Variants in CD163L1 observed in about 807,000 individuals in gnomAD.
CD163L1 encodes scavenger receptor cysteine-rich type 1 protein M160.
CD163L1 carries 124 observed loss-of-function variants against 165.4 expected under a neutral mutation model. The observed-to-expected ratio is 0.75, with a 90% confidence interval of 0.65 to 0.87. The LOEUF (loss-of-function observed/expected upper bound fraction) is 0.87, where lower values mean the gene tolerates loss of function less well. CD163L1 is among the 40% of genes least tolerant of loss of function. CD163L1 has a pLI of 0.00. For synonymous variants in CD163L1, 585 were observed against 662.2 expected (o/e 0.88, Z 1.79); for missense variants, 1,525 against 1,799.9 (o/e 0.85, Z 2.76).
chr12:7,412,876 C>T (rs1184431435), intron 4 of CD163L1, among the ~76,000 whole-genome samples: 2 of 152,028 alleles, frequency 1.3e-5, no homozygotes, highest in East Asian at 3.9e-4. Context: ...GCGGGTAGAT[C>T]ACGAGGTCAG....
At chr12:7,354,331 T>G (rs1181418334), downstream of CD163L1, among the ~76,000 whole-genome samples, 3 of 152,058 alleles carry the variant, frequency 2.0e-5, no homozygotes, top group Non-Finnish European at 2.9e-5. Context: ...AACAACAATA[T>G]GTTCAAAATC....
chr12:7,444,084 A>C lies in CD163L1; in HGVS notation c.31+13T>G, dbSNP rs1195337789. 1.2e-6 allele frequency: 2 copies of C among 1,613,746 alleles called. No homozygotes were observed. Among genetic ancestry groups the C allele is most frequent in the Admixed American group, 1.7e-5 (1 of 60,016 alleles). On this transcript the variant is annotated intron_variant, in intron 1 of 19. Coordinates refer to ENST00000313599, the MANE Select transcript of CD163L1 (RefSeq NM_174941.6). ...CTCCCAAATGGCAGAGCAAAATAAAAGCAAAACCTTACCAATATGCCACGA... is the reference window on the plus strand; with the variant it reads ...CTCCCAAATGGCAGAGCAAAATAAACGCAAAACCTTACCAATATGCCACGA...
intron 19 of CD163L1, among the ~76,000 whole-genome samples, chr12:7,356,265 T>C (rs1004325553): frequency 5.9e-5 from 9 of 152,236 alleles, no homozygotes; most frequent in Admixed American, 3.9e-4. Context: ...GGAAAAAGGC[T>C]TCAATCATAA....
At chr12:7,320,116 G>A in the CD163L1 span, among the ~76,000 whole-genome samples, 1 of 152,168 alleles carries the variant, frequency 6.6e-6, no homozygotes, top group Non-Finnish European at 1.5e-5. Context: ...AAGGGACATA[G>A]TGGAACTTCT....
At chr12:7,330,742 G>C in the CD163L1 span, among the ~76,000 whole-genome samples, 1 of 152,182 alleles carries the variant, frequency 6.6e-6, no homozygotes, top group Non-Finnish European at 1.5e-5. Flanking sequence ...TTTGAGAGTT[G>C]TACCCTTCAT....
At chr12:7,433,283 T>C in intron 3 of CD163L1, 91 bp downstream of exon 3, 2 of 1,152,450 alleles carry the variant, frequency 1.7e-6, no homozygotes, top group Non-Finnish European at 2.5e-6. Flanking sequence ...AGAGGGACAC[T>C]ATTAAAGTCA....
intron 4 of CD163L1, among the ~76,000 whole-genome samples, chr12:7,421,441 A>C (rs771264212): frequency 9.9e-6 from 1 of 100,788 alleles, no homozygotes; most frequent in Admixed American, 9.8e-5. Flanking sequence ...ACATATATAC[A>C]TATACATATA....
At chr12:7,410,669 A>C (rs1177236877) in intron 4 of CD163L1, among the ~76,000 whole-genome samples, 2 of 148,464 alleles carry the variant, frequency 1.3e-5, no homozygotes, top group African/African-American at 5.0e-5. Context: ...GTCTCCACTA[A>C]AAATACAAAA....
At chr12:7,395,832 G>A (rs191918889) in intron 8 of CD163L1, among the ~76,000 whole-genome samples, 2 of 152,164 alleles carry the variant, frequency 1.3e-5, no homozygotes, top group East Asian at 3.9e-4. Context: ...ATGTCTTTTT[G>A]TAGAATTGTA....
At chr12:7,438,198 C>T (rs1948765158) in intron 2 of CD163L1, among the ~76,000 whole-genome samples, 1 of 151,942 alleles carries the variant, frequency 6.6e-6, no homozygotes, top group African/African-American at 2.4e-5. Context: ...AAATGATTTC[C>T]TTAAAATAAA....
chr12:7,419,873 T>C (rs1017113860), intron 4 of CD163L1, among the ~76,000 whole-genome samples: 1 of 151,960 alleles, frequency 6.6e-6, no homozygotes, highest in Non-Finnish European at 1.5e-5. Context: ...CTAGAAATCA[T>C]ATGGAACCAA....
At chr12:7,403,512 C>T (rs1032980434) in intron 6 of CD163L1, 23 bp downstream of exon 6, 3 of 1,587,240 alleles carry the variant, frequency 1.9e-6, no homozygotes, top group Non-Finnish European at 2.6e-6. Flanking sequence ...AATGTGTACA[C>T]TCTCATGATC....
intron 18 of CD163L1, among the ~76,000 whole-genome samples, chr12:7,359,528 T>A (rs1183683387): frequency 6.6e-6 from 1 of 152,110 alleles, no homozygotes; most frequent in East Asian, 1.9e-4. Context: ...CAAAAGTGAA[T>A]GAGAAATAAA....
At chr12:7,421,963 A>T (rs1948448812) in intron 4 of CD163L1, among the ~76,000 whole-genome samples, 1 of 152,022 alleles carries the variant, frequency 6.6e-6, no homozygotes, top group Non-Finnish European at 1.5e-5. Context: ...TGCCTCCTCA[A>T]GTGGGTCCCT....
chr12:7,343,219 T>C (rs1172602229), downstream of CD163L1, among the ~76,000 whole-genome samples: 1 of 152,144 alleles, frequency 6.6e-6, no homozygotes, highest in Non-Finnish European at 1.5e-5. Context: ...TCAGTAGAAA[T>C]GTTAAAGTCT....
In CD163L1 at chr12:7,347,517, C is replaced by T. The variant is rs929139474; in HGVS notation, c.*25-370G>A. Among the ~76,000 whole-genome samples, 4 of 152,110 alleles carry T rather than the reference C, an allele frequency of 2.6e-5. No homozygotes were observed. The highest frequency in any genetic ancestry group is 5.9e-5 in the Non-Finnish European group (4 of 68,006). On this transcript the variant is annotated intron_variant, in intron 4 of 4. Coordinates refer to the CD163L1 transcript ENST00000539726. This position sits in a 1 kb window ranked among gnomAD's most constrained non-coding sequence, Gnocchi z 4.2. ...GGTCTCGGCCGGGCGCGGTGGCTCACGCTTGTAATCCCAGCACTTTGGGAG... is the reference window on the plus strand; with the variant it reads ...GGTCTCGGCCGGGCGCGGTGGCTCATGCTTGTAATCCCAGCACTTTGGGAG...
At chr12:7,386,626 A>G (rs1392797746) in intron 8 of CD163L1, among the ~76,000 whole-genome samples, 1 of 150,044 alleles carries the variant, frequency 6.7e-6, no homozygotes, top group Non-Finnish European at 1.5e-5. Context: ...AAAAAACAGT[A>G]TAGTCAAGTG....
downstream of CD163L1, among the ~76,000 whole-genome samples, chr12:7,352,114 T>C (rs752893672): frequency 5.9e-5 from 9 of 152,256 alleles, no homozygotes; most frequent in African/African-American, 2.2e-4. Flanking sequence ...TGATGGTATA[T>C]GAATGTTAAC....
the CD163L1 span, among the ~76,000 whole-genome samples, chr12:7,334,311 C>A: frequency 6.6e-6 from 1 of 152,194 alleles, no homozygotes; most frequent in South Asian, 2.1e-4. Context: ...TCGGCTTCAT[C>A]CCTGGGATGC....
Sources: allele counts gnomAD v4.1 joint callset (sites outside exome capture counted in the v4.1 genomes callset), GRCh38; gene constraint gnomAD v4.1.1; non-coding constraint Gnocchi (gnomAD v3.1); transcripts MANE v1.5; gene names NCBI Gene and HGNC (gene_info 2026-07-23, HGNC 2026-07-21).